NFIX: variants seen among roughly 807,000 people sequenced by gnomAD.
The protein encoded by NFIX is nuclear factor I X.
NFIX carries 2 observed loss-of-function variants against 53.3 expected under a neutral mutation model. The observed-to-expected ratio is 0.04, with a 90% CI of 0.02 to 0.12. The LOEUF is 0.12. Among genes scored for constraint, NFIX ranks in the 10% least tolerant of loss-of-function variants. NFIX has a pLI of 1.00. For missense variants in NFIX, 310 were observed against 674.5 expected (o/e 0.46, Z 5.99); for synonymous variants, 244 against 289.0 (o/e 0.84, Z 1.58).
rs963186597 is a variant in NFIX at position 13,076,563 on chromosome 19, G to A, written c.955+892G>A. ...GCCCGTGTTTATCCTCACTGTGGGT[G>A]TGACAGGGCCTGGGAGTGCAGACTC... On this transcript the variant is annotated intron_variant, in intron 6 of 10. Transcript: ENST00000592199. 3.0e-4 allele frequency among the ~76,000 whole-genome samples: 45 copies of A among 152,226 alleles called. 1 individual carries two copies. Among genetic ancestry groups the A allele is most frequent in the African/African-American group, 1.1e-3 (44 of 41,456 alleles).
At chr19:13,070,309 A>G (rs989438507) in intron 2 of NFIX, 2 of 152,346 alleles carry the variant, frequency 1.3e-5, no homozygotes, top group Admixed American at 6.5e-5. Context: ...CTGCGGCCCT[A>G]TCGGGGCAGG....
rs1341213651 is a variant in NFIX at position 13,094,029 on chromosome 19, TGCCCTG to T, written c.1495-605_1495-600del. Among the ~76,000 whole-genome samples, 1 of 152,144 alleles carries T rather than the reference TGCCCTG, an allele frequency of 6.6e-6. No individual in the cohort carries two copies. The highest frequency in any genetic ancestry group is 2.4e-5 in the African/African-American group (1 of 41,432). ...CCTCAAGTCCTTCCTCAATGTCTGGTGCCCTGAGGGTAGAGGATCCAGCACCATGGG... is the reference window on the plus strand; with the variant it reads ...CCTCAAGTCCTTCCTCAATGTCTGGTAGGGTAGAGGATCCAGCACCATGGG... On this transcript the variant is annotated intron_variant, in intron 10 of 10. Coordinates refer to ENST00000592199, the MANE Select transcript of NFIX (RefSeq NM_001365902.3). The surrounding 1 kb of genome is among the most constrained non-coding windows in gnomAD (Gnocchi z 4.3).
intron 2 of NFIX, among the ~76,000 whole-genome samples, chr19:13,071,973 G>A (rs1371611497): frequency 6.6e-6 from 1 of 152,224 alleles, no homozygotes; most frequent in Non-Finnish European, 1.5e-5. Context: ...CAGGGTGGTG[G>A]CGAGACCCAG....
In NFIX at chr19:13,011,458, G is replaced by T. The variant is rs557168347; in HGVS notation, c.28-13563G>T. Among the ~76,000 whole-genome samples, 1 of 152,106 alleles carries T rather than the reference G, an allele frequency of 6.6e-6. No individual in the cohort carries two copies. The highest frequency in any genetic ancestry group is 1.5e-5 in the Non-Finnish European group (1 of 68,010). On this transcript the variant is annotated intron_variant, in intron 1 of 10. Coordinates refer to ENST00000592199, the MANE Select transcript of NFIX (RefSeq NM_001365902.3). This position sits in a 1 kb window ranked among gnomAD's most constrained non-coding sequence, Gnocchi z 6.5. ...CCAGGCCTTCGCTCCAGGTGCGCCCGGGCGGTGGAGGCGAGTTCCCTGCGC... is the reference window on the plus strand; with the variant it reads ...CCAGGCCTTCGCTCCAGGTGCGCCCTGGCGGTGGAGGCGAGTTCCCTGCGC...
chr19:12,998,870 C>T lies in NFIX; in HGVS notation c.27+3006C>T, dbSNP rs1242732820. 5.3e-5 allele frequency among the ~76,000 whole-genome samples: 8 copies of T among 152,278 alleles called. No homozygotes were observed. In the East Asian group the frequency reaches 5.8e-4, roughly 11 times the overall value. Reference sequence around the variant, plus strand: ...TAGCGACACAGCAGTACCTCTTTGACGCACGTATGGACACAGGAAACTGTG... The same window carrying T: ...TAGCGACACAGCAGTACCTCTTTGATGCACGTATGGACACAGGAAACTGTG... On this transcript the variant is annotated intron_variant, in intron 1 of 10. Transcript: ENST00000592199. The surrounding 1 kb of genome is among the most constrained non-coding windows in gnomAD (Gnocchi z 4.4).
intron 2 of NFIX, among the ~76,000 whole-genome samples, chr19:13,048,483 ATT>A (rs58117566): frequency 1.4e-5 from 2 of 146,262 alleles, no homozygotes; most frequent in African/African-American, 5.0e-5. Context: ...TCTCTGTTGT[ATT>A]TTTTTTTTTT....
intron 8 of NFIX, among the ~76,000 whole-genome samples, chr19:13,085,931 A>G (rs2017753160): frequency 6.6e-6 from 1 of 152,114 alleles, no homozygotes; most frequent in Non-Finnish European, 1.5e-5. Flanking sequence ...GCTGGCAGGG[A>G]TGGGGGAGTG....
chr19:13,033,305 G>T (rs1445869852), intron 2 of NFIX, among the ~76,000 whole-genome samples: 2 of 152,118 alleles, frequency 1.3e-5, no homozygotes, highest in African/African-American at 4.8e-5. Flanking sequence ...CAGGTGCCTG[G>T]GTCCCTTACT....
chr19:13,004,349 C>A (rs983497036), intron 1 of NFIX, among the ~76,000 whole-genome samples: 1 of 152,144 alleles, frequency 6.6e-6, no homozygotes, highest in African/African-American at 2.4e-5. Context: ...GTGTCACACA[C>A]ACACACTCTC....
intron 7 of NFIX, among the ~76,000 whole-genome samples, chr19:13,079,619 G>C (rs1023903398): frequency 6.6e-6 from 1 of 152,170 alleles, no homozygotes; most frequent in Non-Finnish European, 1.5e-5. Flanking sequence ...GGGCCTCCTG[G>C]CTGGGAGCCC....
chr19:13,008,018 C>T (rs1189633946), intron 1 of NFIX, among the ~76,000 whole-genome samples: 1 of 152,176 alleles, frequency 6.6e-6, no homozygotes, highest in East Asian at 1.9e-4. Flanking sequence ...AGCTGCAGGA[C>T]AGCCTTGGAG....
intron 1 of NFIX, among the ~76,000 whole-genome samples, chr19:13,016,640 G>A (rs1211945497): frequency 6.7e-6 from 1 of 148,908 alleles, no homozygotes; most frequent in Non-Finnish European, 1.5e-5. Context: ...TTCAAATTGG[G>A]TTGTTGGGTT....
rs1367376075 is a variant in NFIX at position 13,011,224 on chromosome 19, C to G, written c.28-13797C>G. ...CAAGGGCCGGACTGCAGCTCCGAAT[C>G]CCGCAGCCCCAGAAACACAATCGCG... On this transcript the variant is annotated intron_variant, in intron 1 of 10. Coordinates refer to ENST00000592199, the MANE Select transcript of NFIX (RefSeq NM_001365902.3). The surrounding 1 kb of genome is among the most constrained non-coding windows in gnomAD (Gnocchi z 6.5). Among the ~76,000 whole-genome samples, 1 of 152,226 alleles carries G rather than the reference C, an allele frequency of 6.6e-6. No individual in the cohort carries two copies. Among genetic ancestry groups the G allele is most frequent in the African/African-American group, 2.4e-5 (1 of 41,450 alleles).
chr19:13,082,898 A>G (rs2017552857), intron 8 of NFIX, among the ~76,000 whole-genome samples: 1 of 152,236 alleles, frequency 6.6e-6, no homozygotes, highest in Non-Finnish European at 1.5e-5. Context: ...GCCTGCTGCC[A>G]CCAGCCCCGT....
In NFIX at chr19:13,028,356, G is replaced by C. The variant is rs1185449241; in HGVS notation, c.559+2804G>C. On this transcript the variant is annotated intron_variant, in intron 2 of 10. Coordinates refer to ENST00000592199, the MANE Select transcript of NFIX (RefSeq NM_001365902.3). The surrounding 1 kb of genome is among the most constrained non-coding windows in gnomAD (Gnocchi z 4.2). Reference sequence around the variant, plus strand: ...TTCTTAAGACAGGGCTGAAGAGCCAGATCTGGGCTGAGCTGGGGGTCCTGG... The same window carrying C: ...TTCTTAAGACAGGGCTGAAGAGCCACATCTGGGCTGAGCTGGGGGTCCTGG... 6.6e-6 allele frequency among the ~76,000 whole-genome samples: 1 copy of C among 152,206 alleles called. No individual in the cohort carries two copies. The highest frequency in any genetic ancestry group is 2.4e-5 in the African/African-American group (1 of 41,438).
In NFIX at chr19:13,066,693, A is replaced by T. The variant is rs1047382296; in HGVS notation, c.560-6354A>T. 1.3e-5 allele frequency among the ~76,000 whole-genome samples: 2 copies of T among 152,134 alleles called. No individual in the cohort carries two copies. Among genetic ancestry groups the T allele is most frequent in the East Asian group, 3.9e-4 (2 of 5,186 alleles). ...AGACTCTAGGGATGACAGAGGAGGG[A>T]AAAACCTGCCACCTCAGGATGACTC... On this transcript the variant is annotated intron_variant, in intron 2 of 10. Transcript: ENST00000592199. This position sits in a 1 kb window ranked among gnomAD's most constrained non-coding sequence, Gnocchi z 4.2.
At chr19:13,059,722 G>A (rs889594977) in intron 2 of NFIX, among the ~76,000 whole-genome samples, 1 of 150,020 alleles carries the variant, frequency 6.7e-6, no homozygotes, top group African/African-American at 2.5e-5. Context: ...GGGGTGTGCT[G>A]CAGGGCAAGA....
At chr19:13,004,541 T>G (rs2011909096) in intron 1 of NFIX, among the ~76,000 whole-genome samples, 1 of 152,168 alleles carries the variant, frequency 6.6e-6, no homozygotes, top group Admixed American at 6.5e-5. Flanking sequence ...GCCTGAGAGC[T>G]GAGACCTGCC....
At chr19:13,017,843 C>T (rs2012749907) in intron 1 of NFIX, among the ~76,000 whole-genome samples, 1 of 152,220 alleles carries the variant, frequency 6.6e-6, no homozygotes, top group East Asian at 1.9e-4. Flanking sequence ...ATGAAGCTGG[C>T]CTGTGCAGTT....
Sources: allele counts gnomAD v4.1 joint callset (sites outside exome capture counted in the v4.1 genomes callset), GRCh38; gene constraint gnomAD v4.1.1; non-coding constraint Gnocchi (gnomAD v3.1); transcripts MANE v1.5; gene names NCBI Gene and HGNC (gene_info 2026-07-23, HGNC 2026-07-21).